The following ELF1 variants were observed in gnomAD, a reference collection of about 807,000 sequenced individuals.
The protein encoded by ELF1 is E74 like ETS transcription factor 1, also known as ETS-related transcription factor Elf-1.
In ELF1, 24 loss-of-function variants were observed where a neutral mutation model predicts 59.9. That is an observed-to-expected ratio of 0.40 (90% CI 0.29 to 0.56). ELF1 has a LOEUF of 0.56. ELF1 is among the 20% of genes least tolerant of loss of function. The pLI is 0.44. For missense variants in ELF1, 627 were observed against 742.2 expected, an observed-to-expected ratio of 0.84 and a Z score of 1.80; for synonymous variants, 248 against 266.2, an observed-to-expected ratio of 0.93 and a Z score of 0.67.
chr13:40,982,910 C>G, intron 1 of ELF1: 2 of 983,974 alleles, frequency 2.0e-6, no homozygotes, highest in Non-Finnish European at 2.4e-6. Context: ...GAAATGTATC[C>G]TTATCTCTAG....
chr13:40,952,978 CTTT>C (rs35370228), intron 3 of ELF1, among the ~76,000 whole-genome samples: 1 of 142,034 alleles, frequency 7.0e-6, no homozygotes, highest in South Asian at 2.2e-4. Context: ...AACAATAAAT[CTTT>C]TTTTTTTTTT....
chr13:41,018,919 C>T (rs1181367660), intron 1 of ELF1, among the ~76,000 whole-genome samples: 1 of 152,088 alleles, frequency 6.6e-6, no homozygotes, highest in Admixed American at 6.5e-5. Flanking sequence ...AAAATTTGAC[C>T]TTAGTTTGCT....
chr13:40,987,352 G>A (rs1403241297), intron 1 of ELF1, among the ~76,000 whole-genome samples: 1 of 149,850 alleles, frequency 6.7e-6, no homozygotes, highest in Non-Finnish European at 1.5e-5. Flanking sequence ...AGGCCGAGGC[G>A]GGTAGATTAC....
At chr13:40,947,002 A>C (rs973361100) in intron 5 of ELF1, among the ~76,000 whole-genome samples, 1 of 151,922 alleles carries the variant, frequency 6.6e-6, no homozygotes, top group Non-Finnish European at 1.5e-5. Context: ...TTATTTTGAG[A>C]GATTCATCCA....
At chr13:41,059,979 C>T (rs1877442957) in intron 1 of ELF1, among the ~76,000 whole-genome samples, 1 of 152,154 alleles carries the variant, frequency 6.6e-6, no homozygotes, top group African/African-American at 2.4e-5. Context: ...CTCCATAGCT[C>T]GTGGTGTGTA....
intron 3 of ELF1, among the ~76,000 whole-genome samples, chr13:40,955,268 G>A (rs1209186715): frequency 1.1e-5 from 1 of 92,386 alleles, no homozygotes; most frequent in East Asian, 2.3e-4. Flanking sequence ...CCCCGTCTGG[G>A]AGGGAGGTGG....
intron 1 of ELF1, chr13:40,982,870 T>G: frequency 1.0e-6 from 1 of 985,284 alleles, no homozygotes; most frequent in Non-Finnish European, 1.2e-6. Flanking sequence ...TGCTTAAGCC[T>G]GTCTTCAGTG....
intron 1 of ELF1, among the ~76,000 whole-genome samples, chr13:41,041,720 C>A (rs1475500825): frequency 6.6e-6 from 1 of 152,112 alleles, no homozygotes; most frequent in Non-Finnish European, 1.5e-5. Flanking sequence ...AAAAGCCAGT[C>A]CATAGATCAG....
chr13:41,059,772 C>T (rs1389441203), intron 1 of ELF1, among the ~76,000 whole-genome samples: 1 of 152,200 alleles, frequency 6.6e-6, no homozygotes, highest in Non-Finnish European at 1.5e-5. Context: ...TTTAAAAATA[C>T]AGTGAAACTT....
chr13:40,933,424 A>C lies in ELF1; in HGVS notation c.*1T>G. On this transcript the variant is annotated 3_prime_UTR_variant, in exon 9 of 9. Transcript: ENST00000239882. ...ATTATTCATAAGCTTTGGTATATTA[A>C]CTAAAAAGAGTTGGGTTCCAGCAGT... 1 of 1,608,192 alleles carries C rather than the reference A, an allele frequency of 6.2e-7. No individual in the cohort carries two copies. The highest frequency in any genetic ancestry group is 1.1e-5 in the South Asian group (1 of 90,074).
chr13:40,982,199 G>A lies in ELF1; in HGVS notation c.-145C>T, dbSNP rs970875062. 2.3e-6 allele frequency: 3 copies of A among 1,300,764 alleles called. No homozygotes were observed. Among genetic ancestry groups the A allele is most frequent in the Non-Finnish European group, 2.9e-6 (3 of 1,021,864 alleles). The allele number at this position is 1,300,764 out of a possible 1,614,324, so 80.6% of individuals were successfully genotyped here. ...TATACCCAAGTTTTCTTTAGGGAAG[G>A]TGCTTCAGTTTTCCTGGTTCATTGA... On this transcript the variant is annotated 5_prime_UTR_variant, in exon 2 of 9. Coordinates refer to ENST00000239882, the MANE Select transcript of ELF1 (RefSeq NM_172373.4).
intron 1 of ELF1, chr13:40,992,927 C>G (rs1873940812): frequency 1.4e-6 from 1 of 719,724 alleles, no homozygotes; most frequent in Non-Finnish European, 2.5e-6. Context: ...ATATATCATT[C>G]TAGCCTTTTC....
chr13:40,955,966 G>A (rs576924508), intron 3 of ELF1, among the ~76,000 whole-genome samples: 18 of 128,402 alleles, frequency 1.4e-4, no homozygotes, highest in African/African-American at 3.2e-4. Context: ...TCAGCCCCCC[G>A]CCCGGCCAGC....
intron 2 of ELF1, among the ~76,000 whole-genome samples, chr13:40,980,258 G>T (rs1473142876): frequency 6.6e-6 from 1 of 152,062 alleles, no homozygotes. Context: ...TTAACCTCTT[G>T]ATATCTCAAT....
chr13:40,974,051 T>G (rs941213656), intron 2 of ELF1, among the ~76,000 whole-genome samples: 9 of 152,184 alleles, frequency 5.9e-5, no homozygotes, highest in African/African-American at 2.2e-4. Context: ...TGCTAACAGG[T>G]ACAGATTTCC....
intron 7 of ELF1, among the ~76,000 whole-genome samples, 180 bp from the exon 8 acceptor site, chr13:40,941,550 A>G (rs553382616): frequency 2.6e-5 from 4 of 152,346 alleles, no homozygotes; most frequent in Admixed American, 6.5e-5. Context: ...ACAGATAGAG[A>G]TAAGTTCTTA....
At chr13:41,006,251 T>A (rs543793799) in intron 1 of ELF1, among the ~76,000 whole-genome samples, 1 of 149,942 alleles carries the variant, frequency 6.7e-6, no homozygotes, top group South Asian at 2.1e-4. Flanking sequence ...CTTCCTAGCA[T>A]ATCTTTAGTA....
chr13:40,959,226 G>GGA (rs1350395020), intron 2 of ELF1, among the ~76,000 whole-genome samples: 1 of 152,152 alleles, frequency 6.6e-6, no homozygotes, highest in East Asian at 1.9e-4. Context: ...GCTGGGCGCG[G>GGA]TGACTCACAC....
At chr13:41,003,906 G>A (rs1874601194) in intron 1 of ELF1, among the ~76,000 whole-genome samples, 1 of 152,112 alleles carries the variant, frequency 6.6e-6, no homozygotes, top group Non-Finnish European at 1.5e-5. Context: ...CTGGGGGTGG[G>A]TGGAGCTGAA....
Sources: allele counts gnomAD v4.1 joint callset (sites outside exome capture counted in the v4.1 genomes callset), GRCh38; gene constraint gnomAD v4.1.1; transcripts MANE v1.5; gene names NCBI Gene and HGNC (gene_info 2026-07-23, HGNC 2026-07-21).